The following AKT1 variants were observed in gnomAD, a reference collection of about 807,000 sequenced individuals.
AKT1 encodes the protein RAC-alpha serine/threonine-protein kinase.
In AKT1, 21 loss-of-function variants were observed where a neutral mutation model predicts 63.1. That is an observed-to-expected ratio of 0.33 (90% CI 0.24 to 0.48). The LOEUF (loss-of-function observed/expected upper bound fraction) is 0.48. Among genes scored for constraint, AKT1 ranks in the 20% least tolerant of loss-of-function variants. AKT1 has a pLI of 0.99. For synonymous variants in AKT1, 257 were observed against 253.1 expected (o/e 1.02, Z -0.15); for missense variants, 382 against 666.0 (o/e 0.57, Z 4.69).
In AKT1 at chr14:104,775,545, G is replaced by A. The variant is rs192846125; in HGVS notation, c.435+107C>T. ...GAAAACCGGCCTAGGTGGAGATGCCGTGGAGTGCTGAGTGTCTCCTGGGCC... is the reference window on the plus strand; with the variant it reads ...GAAAACCGGCCTAGGTGGAGATGCCATGGAGTGCTGAGTGTCTCCTGGGCC... On this transcript the variant is annotated intron_variant, in intron 6 of 14. Coordinates refer to ENST00000649815, the MANE Select transcript of AKT1 (RefSeq NM_001382430.1). 1.8e-4 allele frequency: 257 copies of A among 1,445,940 alleles called. 1 individual carries two copies. The African/African-American group carries it at 3.2e-3, about 18-fold the overall frequency. 89.6% of individuals were successfully genotyped at this position (1,445,940 alleles called of 1,614,324 possible).
In AKT1 at chr14:104,770,424, T is replaced by C. The variant is rs1892314884; in HGVS notation, c.1364-4A>G. 6.2e-7 allele frequency: 1 copy of C among 1,605,174 alleles called. No individual in the cohort carries two copies. The highest frequency in any genetic ancestry group is 1.3e-5 in the African/African-American group (1 of 74,834). ...TCCACACACTCCATGCTGTCATCTG[T>C]GGGTGTAGACAGCTCAGACCCCGGT... On this transcript the variant is annotated splice_polypyrimidine_tract_variant and splice_region_variant and intron_variant, in intron 14 of 14. Transcript: ENST00000649815.
In AKT1 at chr14:104,775,745, C is replaced by T; in HGVS notation, c.342G>A (p.Glu114=). 6.2e-7 allele frequency: 1 copy of T among 1,614,080 alleles called. No homozygotes were observed. The highest frequency in any genetic ancestry group is 8.5e-7 in the Non-Finnish European group (1 of 1,179,984). The change falls in exon 6 of 15, where the codon GAG becomes GAA. Residue 114 remains glutamate, a synonymous_variant. Coordinates refer to ENST00000649815, the MANE Select transcript of AKT1 (RefSeq NM_001382430.1). ...QTVADGLKKQ[E]EEEMDFRSGS... ...CCGACCGGAAGTCCATCTCCTCCTC[C>T]TCCTGCTTCTTGAGGCCGTCAGCCA...
intron 3 of AKT1, among the ~76,000 whole-genome samples, chr14:104,782,613 C>T (rs1893121143): frequency 6.6e-6 from 1 of 152,096 alleles, no homozygotes; most frequent in Non-Finnish European, 1.5e-5. Context: ...CTGGGGAGTC[C>T]TGGGATGGGC....
intron 13 of AKT1, 96 bp downstream of exon 13, chr14:104,772,265 GGCGA>G (rs200121190): frequency 0.017 from 21,488 of 1,292,904 alleles, 241 homozygotes; most frequent in Non-Finnish European, 0.02. Context: ...CTGAGGTGAG[GGCGA>G]GTGTGTGGGA....
chr14:104,778,891 T>C (rs919255983), intron 4 of AKT1, among the ~76,000 whole-genome samples: 4 of 152,202 alleles, frequency 2.6e-5, no homozygotes, highest in Non-Finnish European at 2.9e-5. Context: ...CACCTCGCTC[T>C]GCACCACAGA....
At chr14:104,794,851 G>A (rs907346249) in intron 1 of AKT1, among the ~76,000 whole-genome samples, 1 of 152,258 alleles carries the variant, frequency 6.6e-6, no homozygotes, top group African/African-American at 2.4e-5. Flanking sequence ...AGCGCCCCAG[G>A]ATACTCAATC....
At chr14:104,780,889 A>G (rs1438841229) in intron 3 of AKT1, among the ~76,000 whole-genome samples, 1 of 152,190 alleles carries the variant, frequency 6.6e-6, no homozygotes, top group Non-Finnish European at 1.5e-5. Flanking sequence ...ATGAAGCCAG[A>G]CACGGAGGTG....
intron 3 of AKT1, among the ~76,000 whole-genome samples, chr14:104,791,749 G>A (rs1405358042): frequency 1.3e-5 from 2 of 152,230 alleles, no homozygotes; most frequent in Non-Finnish European, 2.9e-5. Context: ...AAAGCCGGGG[G>A]GCTGCTGGCA....
rs587778019 is a variant in AKT1, at chr14:104,776,721, G to C, written c.225C>G (p.Ile75Met). ...TGACAGTGGTCCACTGCAGGCAGCG[G>C]ATGATGAAGGTGTTGGGCCGGGGCC... ...TERPRPNTFI[I>M]RCLQWTTVIE... The change falls in exon 5 of 15, where the codon ATC (isoleucine) becomes ATG (methionine). Residue 75 changes from isoleucine (I) to methionine (M), a missense_variant. Coordinates refer to ENST00000649815, the MANE Select transcript of AKT1 (RefSeq NM_001382430.1). 6.2e-6 allele frequency: 10 copies of C among 1,613,500 alleles called. No homozygotes were observed. The East Asian group carries it at 2.2e-4, about 36-fold the overall frequency.
At chr14:104,788,408 G>A (rs927161076) in intron 3 of AKT1, among the ~76,000 whole-genome samples, 15 of 152,172 alleles carry the variant, frequency 9.9e-5, no homozygotes, top group African/African-American at 2.2e-4. Flanking sequence ...TTAGCCCTGC[G>A]GGGCCCTCCG....
chr14:104,780,088 G>T lies in AKT1; in HGVS notation c.175C>A (p.Gln59Lys). The T allele has an allele frequency of 6.2e-7, 1 of 1,613,274 alleles. No individual in the cohort carries two copies. Among genetic ancestry groups the T allele is most frequent in the Non-Finnish European group, 8.5e-7 (1 of 1,179,770 alleles). ...CCCGAGAGGCCAAGGGGATACTTACGCGCCACAGAGAAGTTGTTGAGGGGA... is the reference window on the plus strand; with the variant it reads ...CCCGAGAGGCCAAGGGGATACTTACTCGCCACAGAGAAGTTGTTGAGGGGA... ...EAPLNNFSVAQCQLMKTERPR... is the reference protein window; with the variant it reads ...EAPLNNFSVAKCQLMKTERPR... The change falls in exon 4 of 15, where the codon CAG becomes AAG. Residue 59 changes from glutamine to lysine, a missense_variant and splice_region_variant. Physicochemically the swap from Gln to Lys is moderately conservative, Grantham distance 53 (BLOSUM62 1). Coordinates refer to ENST00000649815, the MANE Select transcript of AKT1 (RefSeq NM_001382430.1).
rs1060504820 is a variant in AKT1 at position 104,770,767 on chromosome 14, G to T, written c.1341C>A (p.Ile447=). The change falls in exon 14 of 15, where the codon ATC becomes ATA. Residue 447 remains isoleucine (I), a synonymous_variant. Transcript: ENST00000649815. ...CACCTTGGTCAGGTGGTGTGATGGT[G>T]ATCATCTGGGCCGTGAACTCCTCAT... ...YFDEEFTAQM[I]TITPPDQDDS... 2 of 1,614,126 alleles carry T rather than the reference G, an allele frequency of 1.2e-6. No homozygotes were observed. The highest frequency in any genetic ancestry group is 1.7e-6 in the Non-Finnish European group (2 of 1,180,016).
chr14:104,789,644 C>T (rs540226728), intron 3 of AKT1, among the ~76,000 whole-genome samples: 52 of 152,310 alleles, frequency 3.4e-4, no homozygotes, highest in African/African-American at 1.2e-3. Context: ...AAAATGCAAA[C>T]GTCTGAGCAA....
At chr14:104,789,528 G>A (rs1223412080) in intron 3 of AKT1, among the ~76,000 whole-genome samples, 1 of 152,256 alleles carries the variant, frequency 6.6e-6, no homozygotes, top group African/African-American at 2.4e-5. Context: ...AAAACTGCAG[G>A]CTGGAGGCCG....
Position 104,773,060 on chromosome 14 carries a change from C to T in AKT1, c.990G>A (p.Val330=), listed in dbSNP as rs777711698. The stretch of plus-strand genomic sequence containing the variant: ...TGACCACGCCCAGCCCCCACCAGTC[C>T]ACTGCACGGCCGTAGTCATTGTCCT... The part of the protein sequence containing the change: ...VLEDNDYGRA[V]DWWGLGVVMY... The change falls in exon 12 of 15, where the codon GTG becomes GTA. Residue 330 remains valine (V), a synonymous_variant. Transcript: ENST00000649815. The T allele has an allele frequency of 1.9e-6, 3 of 1,614,142 alleles. No individual in the cohort carries two copies. Among genetic ancestry groups the T allele is most frequent in the South Asian group, 2.2e-5 (2 of 91,088 alleles).
intron 4 of AKT1, 99 bp from the exon 5 acceptor site, chr14:104,776,869 A>C (rs1595247650): frequency 1.1e-6 from 1 of 944,604 alleles, no homozygotes. Flanking sequence ...CTTGCATACC[A>C]CCCACCAGGT....
intron 3 of AKT1, chr14:104,786,282 G>A (rs946474236): frequency 6.6e-6 from 1 of 152,266 alleles, no homozygotes; most frequent in Non-Finnish European, 1.5e-5. Flanking sequence ...GGGTTCCCAG[G>A]GCCCTCACCC....
chr14:104,772,195 G>A lies in AKT1; in HGVS notation c.1260+170C>T, dbSNP rs1233344980. The A allele has an allele frequency of 8.6e-6, 6 of 701,558 alleles. No individual in the cohort carries two copies. The East Asian group carries it at 1.6e-4, about 18-fold the overall frequency. 43.5% of individuals were successfully genotyped at this position (701,558 alleles called of 1,614,324 possible). ...AACCCGGCAGTGCCAGAGCCTCTGAGCACCAGGCGCTGAGGTTGGTGCAGC... is the reference window on the plus strand; with the variant it reads ...AACCCGGCAGTGCCAGAGCCTCTGAACACCAGGCGCTGAGGTTGGTGCAGC... On this transcript the variant is annotated intron_variant, in intron 13 of 14. Coordinates refer to ENST00000649815, the MANE Select transcript of AKT1 (RefSeq NM_001382430.1).
At chr14:104,786,768 C>T (rs1188146911) in intron 3 of AKT1, among the ~76,000 whole-genome samples, 1 of 152,120 alleles carries the variant, frequency 6.6e-6, no homozygotes, top group East Asian at 1.9e-4. Flanking sequence ...ACATTGTGGC[C>T]CTGACCCCCG....
Sources: gnomAD v4.1 joint callset for allele counts (sites outside exome capture counted in the v4.1 genomes callset) on GRCh38, gnomAD v4.1.1 for gene constraint, MANE v1.5 for transcripts, NCBI Gene and HGNC (gene_info 2026-07-23, HGNC 2026-07-21) for gene names.